PDSS1: variants seen among roughly 807,000 people sequenced by gnomAD.
PDSS1 encodes the protein decaprenyl diphosphate synthase subunit 1, also known as all trans-polyprenyl-diphosphate synthase PDSS1.
Under a neutral mutation model 57.5 loss-of-function variants are expected in PDSS1, and 43 were observed. That is an observed-to-expected ratio of 0.75 (90% CI 0.59 to 0.96). The LOEUF is 0.96. Ranked by LOEUF, PDSS1 falls within the 50% of genes least tolerant of loss-of-function variation. The probability of loss-of-function intolerance (pLI) is 0.00; values close to 1 mark genes in which losing one functional copy is unlikely to be tolerated. For missense variants in PDSS1, 438 were observed against 527.8 expected (o/e 0.83, Z 1.67); for synonymous variants, 175 against 191.3 (o/e 0.91, Z 0.70).
intron 2 of PDSS1, among the ~76,000 whole-genome samples, chr10:26,702,649 G>A (rs919706288): frequency 1.1e-4 from 16 of 152,040 alleles, no homozygotes; most frequent in Non-Finnish European, 2.2e-4. Flanking sequence ...CCAGTCTTGG[G>A]TATTTCTTTA....
chr10:26,722,494 C>A (rs1835821172), intron 6 of PDSS1, among the ~76,000 whole-genome samples: 1 of 152,056 alleles, frequency 6.6e-6, no homozygotes, highest in South Asian at 2.1e-4. Flanking sequence ...CACTTGGGGC[C>A]AGGAGTTCGA....
At chr10:26,729,706 A>G (rs1427940794) in intron 8 of PDSS1, among the ~76,000 whole-genome samples, 1 of 152,150 alleles carries the variant, frequency 6.6e-6, no homozygotes. Flanking sequence ...GCACTGTTCA[A>G]AAGTTACCTT....
chr10:26,713,669 C>T (rs1231424501), intron 5 of PDSS1, among the ~76,000 whole-genome samples: 1 of 152,092 alleles, frequency 6.6e-6, no homozygotes, highest in African/African-American at 2.4e-5. Context: ...TCTTGCTAAC[C>T]ATGGTGTCTG....
chr10:26,742,272 G>A (rs1836645958), intron 10 of PDSS1, among the ~76,000 whole-genome samples: 1 of 152,238 alleles, frequency 6.6e-6, no homozygotes, highest in Admixed American at 6.5e-5. Context: ...AAGGACTAAT[G>A]TCTTCTCCTC....
chr10:26,740,285 G>C (rs1836546154), intron 10 of PDSS1, among the ~76,000 whole-genome samples: 1 of 152,206 alleles, frequency 6.6e-6, no homozygotes, highest in Admixed American at 6.5e-5. Flanking sequence ...ACTCCAGCCT[G>C]GGCAACAGAA....
chr10:26,703,482 A>G (rs1471852358), intron 2 of PDSS1, among the ~76,000 whole-genome samples: 1 of 152,160 alleles, frequency 6.6e-6, no homozygotes, highest in African/African-American at 2.4e-5. Flanking sequence ...GATAATAATT[A>G]TTAAGTCTCT....
chr10:26,718,976 T>G (rs1835693313), intron 5 of PDSS1, among the ~76,000 whole-genome samples: 1 of 152,164 alleles, frequency 6.6e-6, no homozygotes, highest in Non-Finnish European at 1.5e-5. Flanking sequence ...GTAGTTATAC[T>G]TCATTTTTCA....
intron 8 of PDSS1, among the ~76,000 whole-genome samples, chr10:26,726,159 C>A (rs962247315): frequency 1.3e-5 from 2 of 152,084 alleles, no homozygotes; most frequent in Non-Finnish European, 1.5e-5. Flanking sequence ...GTTTAAGAAG[C>A]CAAAGATAAT....
intron 8 of PDSS1, among the ~76,000 whole-genome samples, chr10:26,734,465 A>G (rs1836319703): frequency 6.6e-6 from 1 of 152,242 alleles, no homozygotes; most frequent in African/African-American, 2.4e-5. Flanking sequence ...CATGCTTAGC[A>G]GGGCACTGGG....
chr10:26,703,594 C>T (rs1397610872), intron 2 of PDSS1, among the ~76,000 whole-genome samples: 5 of 152,096 alleles, frequency 3.3e-5, no homozygotes, highest in Non-Finnish European at 7.4e-5. Context: ...GACTGAAAGA[C>T]ATAGGTTGTC....
chr10:26,734,292 C>T (rs1025363966), intron 8 of PDSS1, among the ~76,000 whole-genome samples: 3 of 152,200 alleles, frequency 2.0e-5, no homozygotes, highest in African/African-American at 4.8e-5. Flanking sequence ...TCCTAGCATC[C>T]GCGAGCCTTA....
In PDSS1 at chr10:26,723,891, C is replaced by A; in HGVS notation, c.695C>A (p.Thr232Asn). The A allele has an allele frequency of 6.2e-7, 1 of 1,611,812 alleles. No individual in the cohort carries two copies. The highest frequency in any genetic ancestry group is 1.1e-5 in the South Asian group (1 of 91,032). Residue 232 changes from threonine (T) to asparagine (N), a missense_variant, in exon 7 of 12, where the codon ACC (threonine) becomes AAC (asparagine). Coordinates refer to ENST00000376215, the MANE Select transcript of PDSS1 (RefSeq NM_014317.5). The part of the protein sequence containing the change: ...IGNTTVISIL[T>N]QVIEDLVRGE... ...AATACAACTGTTATATCTATTTTAACCCAAGTTATTGAAGATTTGGTGCGT... is the reference window on the plus strand; with the variant it reads ...AATACAACTGTTATATCTATTTTAAACCAAGTTATTGAAGATTTGGTGCGT...
intron 1 of PDSS1, among the ~76,000 whole-genome samples, chr10:26,700,723 C>T (rs1835026132): frequency 6.6e-6 from 1 of 152,082 alleles, no homozygotes; most frequent in South Asian, 2.1e-4. Flanking sequence ...GAGGCCTCCC[C>T]AGCCATTCAG....
rs1263992133 is a variant in PDSS1, at chr10:26,746,540, C to CTTTG, written c.*72_*75dup. On this transcript the variant is annotated 3_prime_UTR_variant, in exon 12 of 12. Coordinates refer to ENST00000376215, the MANE Select transcript of PDSS1 (RefSeq NM_014317.5). ...TGCCTAAAGAATTTTGTGGAATACA[C>CTTTG]TTTGTTTGCTTCATGTGCAGATAAC... is the stretch of plus-strand genomic sequence containing the variant. The CTTTG allele has an allele frequency of 2.6e-6, 4 of 1,520,478 alleles. No individual in the cohort carries two copies. In the African/African-American group the frequency reaches 5.5e-5, roughly 21 times the overall value. 94.2% of individuals were successfully genotyped at this position (1,520,478 alleles called of 1,614,324 possible). A position where few individuals can be genotyped will look rare whatever the true frequency, so the allele number is the denominator to read the frequency against.
At chr10:26,745,528 GTAA>G (rs1836820813) in intron 11 of PDSS1, among the ~76,000 whole-genome samples, 1 of 152,104 alleles carries the variant, frequency 6.6e-6, no homozygotes, top group Non-Finnish European at 1.5e-5. Flanking sequence ...AAGGTAACAG[GTAA>G]TAACTAAAAT....
intron 4 of PDSS1, among the ~76,000 whole-genome samples, chr10:26,709,264 G>A (rs1835341854): frequency 6.6e-6 from 1 of 152,162 alleles, no homozygotes. Flanking sequence ...CCAAAGTTTT[G>A]TAGAAGAAAT....
chr10:26,731,202 A>G (rs544720833), intron 8 of PDSS1, among the ~76,000 whole-genome samples: 1 of 152,116 alleles, frequency 6.6e-6, no homozygotes, highest in Non-Finnish European at 1.5e-5. Context: ...TTAGCCAGGT[A>G]TGGTGGTGGG....
At chr10:26,711,069 A>C (rs1835397041) in intron 5 of PDSS1, among the ~76,000 whole-genome samples, 1 of 98,526 alleles carries the variant, frequency 1.0e-5, no homozygotes, top group African/African-American at 3.3e-5. Flanking sequence ...ATCTGGGGGC[A>C]TGTCTCAGAA....
At chr10:26,698,752 T>C (rs1276049620) in intron 1 of PDSS1, among the ~76,000 whole-genome samples, 2 of 152,244 alleles carry the variant, frequency 1.3e-5, no homozygotes, top group Admixed American at 1.3e-4. Flanking sequence ...TCATCAAACA[T>C]CATTTCCCAG....
Sources: gnomAD v4.1 joint callset for allele counts (sites outside exome capture counted in the v4.1 genomes callset) on GRCh38, gnomAD v4.1.1 for gene constraint, MANE v1.5 for transcripts, NCBI Gene and HGNC (gene_info 2026-07-23, HGNC 2026-07-21) for gene names.